The following CACNG2 variants were observed in gnomAD, a reference collection of about 807,000 sequenced individuals.
CACNG2 encodes the protein calcium voltage-gated channel auxiliary subunit gamma 2, also known as voltage-dependent calcium channel gamma-2 subunit.
Under a neutral mutation model 25.9 loss-of-function variants are expected in CACNG2, and 3 were observed. The ratio of observed to expected loss-of-function variants is 0.12; its 90% CI spans 0.05 to 0.30. The LOEUF (loss-of-function observed/expected upper bound fraction) is 0.30. Among genes scored for constraint, CACNG2 ranks in the 10% least tolerant of loss-of-function variants. CACNG2 has a pLI of 1.00. For missense variants in CACNG2, 341 were observed against 432.5 expected, an observed-to-expected ratio of 0.79 and a Z score of 1.88; for synonymous variants, 167 against 173.3, an observed-to-expected ratio of 0.96 and a Z score of 0.29.
intron 1 of CACNG2, among the ~76,000 whole-genome samples, chr22:36,659,036 A>C (rs1414940233): frequency 6.6e-6 from 1 of 152,224 alleles, no homozygotes; most frequent in Non-Finnish European, 1.5e-5. Context: ...CAAGAGAAGC[A>C]TTGGAGTCAG....
intron 1 of CACNG2, among the ~76,000 whole-genome samples, chr22:36,596,763 A>C (rs1267216634): frequency 6.6e-6 from 1 of 151,810 alleles, no homozygotes; most frequent in Admixed American, 6.6e-5. Flanking sequence ...CTACCTCTTC[A>C]GTTCTTTTTT....
chr22:36,580,045 C>T (rs897098951), intron 2 of CACNG2, among the ~76,000 whole-genome samples: 6 of 152,240 alleles, frequency 3.9e-5, no homozygotes, highest in Admixed American at 1.3e-4. Flanking sequence ...CGAATGCCTG[C>T]TGAATGCTCA....
intron 1 of CACNG2, among the ~76,000 whole-genome samples, chr22:36,591,350 C>T (rs1224808911): frequency 2.0e-5 from 3 of 152,082 alleles, no homozygotes; most frequent in African/African-American, 7.2e-5. Context: ...ATATTAAAGC[C>T]TGTATGATAC....
intron 1 of CACNG2, among the ~76,000 whole-genome samples, chr22:36,649,077 A>G (rs1475261154): frequency 6.6e-6 from 1 of 152,166 alleles, no homozygotes; most frequent in African/African-American, 2.4e-5. Flanking sequence ...TCTCATCTAG[A>G]TTCTGCCCTC....
chr22:36,632,582 G>A (rs1360867827), intron 1 of CACNG2, among the ~76,000 whole-genome samples: 1 of 151,218 alleles, frequency 6.6e-6, no homozygotes, highest in East Asian at 2.0e-4. Context: ...GTGGTTACCA[G>A]TGACCTCTGC....
intron 1 of CACNG2, among the ~76,000 whole-genome samples, chr22:36,627,963 G>A (rs993661049): frequency 6.6e-6 from 1 of 151,924 alleles, no homozygotes; most frequent in South Asian, 2.1e-4. Flanking sequence ...TTGATATGAT[G>A]TTAAGAAAAA....
At chr22:36,645,189 C>T (rs1308641393) in intron 1 of CACNG2, among the ~76,000 whole-genome samples, 2 of 152,192 alleles carry the variant, frequency 1.3e-5, no homozygotes, top group African/African-American at 4.8e-5. Flanking sequence ...CACCTCTTGG[C>T]TCCCTCACAG....
intron 1 of CACNG2, among the ~76,000 whole-genome samples, chr22:36,597,266 C>T (rs935086193): frequency 6.6e-6 from 1 of 152,286 alleles, no homozygotes; most frequent in East Asian, 1.9e-4. Flanking sequence ...TCAGGTAATC[C>T]ACCCACCTCG....
chr22:36,644,224 T>A (rs137899005), intron 1 of CACNG2, among the ~76,000 whole-genome samples: 172 of 152,324 alleles, frequency 1.1e-3, no homozygotes, highest in African/African-American at 3.8e-3. Context: ...GGTCCCAGGC[T>A]CCAGCTGAAC....
intron 1 of CACNG2, among the ~76,000 whole-genome samples, chr22:36,675,467 C>G (rs573608793): frequency 3.3e-5 from 5 of 152,314 alleles, no homozygotes; most frequent in Admixed American, 3.3e-4. Context: ...GGAGTGGATT[C>G]CATCCTGCAA....
At chr22:36,668,475 G>A (rs546669019) in intron 1 of CACNG2, among the ~76,000 whole-genome samples, 37 of 149,770 alleles carry the variant, frequency 2.5e-4, no homozygotes, top group African/African-American at 8.5e-4. Flanking sequence ...CCAAACGCCT[G>A]AGAACGAGGG....
intron 1 of CACNG2, among the ~76,000 whole-genome samples, chr22:36,699,313 G>A (rs1206740224): frequency 6.6e-6 from 1 of 151,430 alleles, no homozygotes; most frequent in Non-Finnish European, 1.5e-5. Context: ...AATAAGGGTG[G>A]TGGTTTTTTC....
intron 3 of CACNG2, among the ~76,000 whole-genome samples, chr22:36,565,156 G>C (rs1935105163): frequency 6.6e-6 from 1 of 152,362 alleles, no homozygotes; most frequent in South Asian, 2.1e-4. Flanking sequence ...ACAAGGCGCT[G>C]AGTAACTAAT....
chr22:36,588,781 G>C (rs1935543365), intron 1 of CACNG2, among the ~76,000 whole-genome samples: 2 of 152,120 alleles, frequency 1.3e-5, no homozygotes. Flanking sequence ...GAAGTCCTTG[G>C]GGGCATTGAC....
intron 1 of CACNG2, among the ~76,000 whole-genome samples, chr22:36,620,378 G>A (rs1936088303): frequency 2.0e-5 from 3 of 152,256 alleles, no homozygotes; most frequent in African/African-American, 7.2e-5. Context: ...ATGCCCCAGA[G>A]TGATGTTTGC....
intron 2 of CACNG2, among the ~76,000 whole-genome samples, chr22:36,579,518 G>T (rs1166444440): frequency 6.6e-6 from 1 of 150,744 alleles, no homozygotes; most frequent in Non-Finnish European, 1.5e-5. Context: ...TGCCTTTTGA[G>T]CCTGGAGATA....
chr22:36,648,756 T>A (rs1042057809), intron 1 of CACNG2, among the ~76,000 whole-genome samples: 1 of 152,312 alleles, frequency 6.6e-6, no homozygotes, highest in East Asian at 1.9e-4. Context: ...AATGGGAACC[T>A]GGGAATCTTC....
chr22:36,637,015 A>T (rs550208810), intron 1 of CACNG2, among the ~76,000 whole-genome samples: 1 of 152,332 alleles, frequency 6.6e-6, no homozygotes, highest in African/African-American at 2.4e-5. Context: ...GGACCCAGGG[A>T]TTAACGTCCA....
At chr22:36,628,102 C>T (rs572387527) in intron 1 of CACNG2, among the ~76,000 whole-genome samples, 10 of 152,184 alleles carry the variant, frequency 6.6e-5, no homozygotes, top group Non-Finnish European at 1.3e-4. Flanking sequence ...TAGGCGAGAA[C>T]GTTATGAATT....
Sources: allele counts gnomAD v4.1 joint callset (sites outside exome capture counted in the v4.1 genomes callset), GRCh38; gene constraint gnomAD v4.1.1; transcripts MANE v1.5; gene names NCBI Gene and HGNC (gene_info 2026-07-23, HGNC 2026-07-21).